KIAA1217: variants seen among roughly 807,000 people sequenced by gnomAD.
The protein encoded by KIAA1217 is KIAA1217.
In KIAA1217, 88 loss-of-function variants were observed where a neutral mutation model predicts 163.9. The ratio of observed to expected loss-of-function variants is 0.54; its 90% CI spans 0.45 to 0.64. The LOEUF (loss-of-function observed/expected upper bound fraction) is 0.64, where lower values mean the gene tolerates loss of function less well. KIAA1217 is among the 30% of genes least tolerant of loss of function. KIAA1217 has a pLI of 0.00. For missense variants in KIAA1217, 2,372 were observed against 2,475.0 expected (o/e 0.96, Z 0.88); for synonymous variants, 903 against 923.1 (o/e 0.98, Z 0.39).
intron 2 of KIAA1217, among the ~76,000 whole-genome samples, chr10:24,250,269 T>C (rs973282156): frequency 2.0e-5 from 3 of 152,162 alleles, no homozygotes; most frequent in Non-Finnish European, 4.4e-5. Flanking sequence ...AGCCTTGGAA[T>C]TCAGCCTAGA....
intron 2 of KIAA1217, among the ~76,000 whole-genome samples, chr10:24,303,669 G>A (rs1478509763): frequency 1.3e-5 from 2 of 152,290 alleles, no homozygotes; most frequent in African/African-American, 2.4e-5. Context: ...ACTCAAGTTG[G>A]GTTTTGGACA....
chr10:23,810,229 T>TCTAC (rs563454103), intron 1 of KIAA1217, among the ~76,000 whole-genome samples: 2 of 151,024 alleles, frequency 1.3e-5, no homozygotes, highest in African/African-American at 2.4e-5. Flanking sequence ...TGTCTGTCTA[T>TCTAC]CTACCTACCT....
chr10:24,485,715 T>C (rs541007631), intron 6 of KIAA1217, among the ~76,000 whole-genome samples: 7 of 152,386 alleles, frequency 4.6e-5, no homozygotes, highest in Admixed American at 1.3e-4. Flanking sequence ...TTACAGGTTA[T>C]AATGTGCTTC....
chr10:23,938,836 A>G (rs1171773345), intron 1 of KIAA1217, among the ~76,000 whole-genome samples: 1 of 152,228 alleles, frequency 6.6e-6, no homozygotes, highest in Non-Finnish European at 1.5e-5. Flanking sequence ...ATATTCAACA[A>G]GGTAAACTTC....
At chr10:24,343,140 T>C (rs2047313031) in intron 2 of KIAA1217, among the ~76,000 whole-genome samples, 1 of 152,228 alleles carries the variant, frequency 6.6e-6, no homozygotes, top group African/African-American at 2.4e-5. Flanking sequence ...TCTGTTCATA[T>C]ATCTGGGTAT....
At chr10:23,760,413 GT>G in intron 1 of KIAA1217, among the ~76,000 whole-genome samples, 1 of 152,308 alleles carries the variant, frequency 6.6e-6, no homozygotes, top group South Asian at 2.1e-4. Flanking sequence ...AGTTAGTTAA[GT>G]TTGTGACAGC....
At chr10:24,468,834 AT>A (rs35502322) in intron 5 of KIAA1217, among the ~76,000 whole-genome samples, 1,550 of 152,298 alleles carry the variant, frequency 0.01, 29 homozygotes, top group African/African-American at 0.035. Context: ...CTTTTAGTTA[AT>A]TGTTATATTT....
chr10:24,275,616 C>CT (rs2077196009), intron 2 of KIAA1217: 1 of 465,490 alleles, frequency 2.1e-6, no homozygotes, highest in African/African-American at 2.0e-5. Flanking sequence ...TGAGGACTGA[C>CT]TGTATAATGC....
At chr10:24,198,050 T>A (rs1041901380) in intron 2 of KIAA1217, among the ~76,000 whole-genome samples, 1 of 152,246 alleles carries the variant, frequency 6.6e-6, no homozygotes, top group Admixed American at 6.5e-5. Flanking sequence ...AACATATGCA[T>A]CCACCTCTGT....
chr10:24,094,128 T>C (rs1464584287), intron 2 of KIAA1217, among the ~76,000 whole-genome samples: 1 of 152,138 alleles, frequency 6.6e-6, no homozygotes, highest in African/African-American at 2.4e-5. Context: ...CATGTGTCTT[T>C]ATAGCAGCAT....
chr10:24,529,323 C>A (rs760035982), intron 14 of KIAA1217, among the ~76,000 whole-genome samples: 2 of 152,140 alleles, frequency 1.3e-5, no homozygotes, highest in African/African-American at 2.4e-5. Context: ...CGGGCCAGAA[C>A]ACTTCAGCAG....
chr10:24,129,922 T>C (rs918815589), intron 2 of KIAA1217, among the ~76,000 whole-genome samples: 7 of 152,138 alleles, frequency 4.6e-5, no homozygotes, highest in African/African-American at 1.7e-4. Flanking sequence ...TTCATGATCA[T>C]AGGCTGCATG....
chr10:24,442,234 A>G (rs1382957458), intron 5 of KIAA1217, among the ~76,000 whole-genome samples: 2 of 152,146 alleles, frequency 1.3e-5, no homozygotes, highest in Non-Finnish European at 2.9e-5. Flanking sequence ...ATTGGTCTCC[A>G]TGGCACTTTT....
chr10:24,434,105 C>G (rs1489737452), intron 4 of KIAA1217, among the ~76,000 whole-genome samples: 1 of 134,280 alleles, frequency 7.4e-6, no homozygotes, highest in East Asian at 2.4e-4. Flanking sequence ...GGTGCGATCT[C>G]CGTTTACTGT....
chr10:24,473,187 A>G, intron 5 of KIAA1217, 41 bp from the exon 6 acceptor site: 2 of 1,388,378 alleles, frequency 1.4e-6, no homozygotes, highest in African/African-American at 2.9e-5. Context: ...TTGAAACACG[A>G]ATATCAAAGT....
chr10:24,355,327 G>C (rs1018777852), intron 2 of KIAA1217, among the ~76,000 whole-genome samples: 1 of 152,160 alleles, frequency 6.6e-6, no homozygotes, highest in African/African-American at 2.4e-5. Context: ...CCATCGACTT[G>C]GGGGCTTAAA....
At chr10:23,852,020 T>G (rs28883934) in intron 1 of KIAA1217, among the ~76,000 whole-genome samples, 1,933 of 152,310 alleles carry the variant, frequency 0.013, 56 homozygotes, top group African/African-American at 0.044. Context: ...TTCATTTAAT[T>G]AGATCCCATT....
At chr10:23,741,604 T>C (rs1839118570) in intron 1 of KIAA1217, among the ~76,000 whole-genome samples, 1 of 152,172 alleles carries the variant, frequency 6.6e-6, no homozygotes, top group Admixed American at 6.5e-5. Context: ...CAGGAGACAC[T>C]GGTCTGTAAG....
intron 1 of KIAA1217, among the ~76,000 whole-genome samples, chr10:23,911,351 T>A (rs571795175): frequency 6.6e-6 from 1 of 152,288 alleles, no homozygotes; most frequent in South Asian, 2.1e-4. Context: ...ACCTCACTTC[T>A]CCACATATAC....
Sources: allele counts gnomAD v4.1 joint callset (sites outside exome capture counted in the v4.1 genomes callset), GRCh38; gene constraint gnomAD v4.1.1; transcripts MANE v1.5; gene names NCBI Gene and HGNC (gene_info 2026-07-23, HGNC 2026-07-21).